Variants in MRTFB observed in about 807,000 individuals in gnomAD.
MRTFB encodes the protein myocardin-related transcription factor B.
MRTFB carries 29 observed loss-of-function variants against 104.2 expected under a neutral mutation model. The observed-to-expected ratio is 0.28, with a 90% confidence interval of 0.21 to 0.38. The LOEUF is 0.38. Ranked by LOEUF, MRTFB falls within the 10% of genes least tolerant of loss-of-function variation. The pLI, the probability that MRTFB is intolerant of heterozygous loss-of-function variation, is 1.00. For missense variants in MRTFB, 1,270 were observed against 1,341.6 expected, an observed-to-expected ratio of 0.95 and a Z score of 0.83; for synonymous variants, 535 against 519.5, an observed-to-expected ratio of 1.03 and a Z score of -0.41.
At chr16:14,156,780 T>A (rs1001183722) in intron 3 of MRTFB, among the ~76,000 whole-genome samples, 7 of 152,232 alleles carry the variant, frequency 4.6e-5, no homozygotes, top group Non-Finnish European at 8.8e-5. Context: ...TGATTCAACT[T>A]GGCAAAAGAT....
chr16:14,086,693 A>G (rs1490769096), intron 2 of MRTFB, among the ~76,000 whole-genome samples: 1 of 152,184 alleles, frequency 6.6e-6, no homozygotes, highest in Non-Finnish European at 1.5e-5. Flanking sequence ...TTTTCATTTT[A>G]CTGATGACTT....
chr16:14,222,966 A>C (rs1318020328), intron 8 of MRTFB, among the ~76,000 whole-genome samples: 1 of 151,430 alleles, frequency 6.6e-6, no homozygotes, highest in Non-Finnish European at 1.5e-5. Flanking sequence ...GGATTACTTA[A>C]ATCCAACAGT....
intron 3 of MRTFB, among the ~76,000 whole-genome samples, chr16:14,182,867 A>G (rs1023699786): frequency 2.0e-5 from 3 of 152,232 alleles, no homozygotes; most frequent in Non-Finnish European, 4.4e-5. Context: ...AAGCTATTGC[A>G]TGAAATAGGA....
At chr16:14,185,293 C>T (rs78160021) in intron 3 of MRTFB, among the ~76,000 whole-genome samples, 3,688 of 152,268 alleles carry the variant, frequency 0.024, 65 homozygotes, top group Middle Eastern at 0.085. Context: ...GTTTAGTGCA[C>T]ACCAGCCTTG....
At chr16:14,208,445 T>G (rs375415279) in intron 3 of MRTFB, among the ~76,000 whole-genome samples, 1 of 152,378 alleles carries the variant, frequency 6.6e-6, no homozygotes, top group Middle Eastern at 3.4e-3. Flanking sequence ...GTTGATATTT[T>G]CATTACTCTT....
At chr16:14,024,340 T>A in the MRTFB span, among the ~76,000 whole-genome samples, 1 of 152,230 alleles carries the variant, frequency 6.6e-6, no homozygotes, top group African/African-American at 2.4e-5. Flanking sequence ...AGGATAAAGC[T>A]AATGTCTCCT....
chr16:14,255,583 A>C (rs1206222198), intron 15 of MRTFB, among the ~76,000 whole-genome samples: 1 of 152,254 alleles, frequency 6.6e-6, no homozygotes, highest in African/African-American at 2.4e-5. Context: ...CAGATAAAGA[A>C]AAATTGAGTT....
intron 3 of MRTFB, among the ~76,000 whole-genome samples, chr16:14,208,649 C>A (rs902158200): frequency 3.9e-5 from 6 of 152,110 alleles, no homozygotes; most frequent in African/African-American, 1.2e-4. Context: ...TAAATGCAGA[C>A]AAGCATTTAC....
At chr16:14,103,385 C>T in intron 2 of MRTFB, among the ~76,000 whole-genome samples, 1 of 152,208 alleles carries the variant, frequency 6.6e-6, no homozygotes, top group Middle Eastern at 3.4e-3. Context: ...GGTATTTCTT[C>T]TTCCATATTT....
chr16:14,096,141 A>G lies in MRTFB; in HGVS notation c.-64+16787A>G, dbSNP rs569087479. On this transcript the variant is annotated intron_variant, in intron 2 of 16. Transcript: ENST00000571589. ...TTCCAGGCTGCAGTGCAGTGGCGCGATCTTGGCCCACTGCAACCTCCGCCT... is the reference window on the plus strand; with the variant it reads ...TTCCAGGCTGCAGTGCAGTGGCGCGGTCTTGGCCCACTGCAACCTCCGCCT... Among the ~76,000 whole-genome samples, 294 of 152,080 alleles carry G rather than the reference A, an allele frequency of 1.9e-3. 3 individuals are homozygous for G. Among genetic ancestry groups the G allele is most frequent in the Non-Finnish European group, 2.7e-3 (185 of 68,022 alleles).
the MRTFB span, among the ~76,000 whole-genome samples, chr16:14,037,391 T>C: frequency 9.9e-5 from 15 of 152,264 alleles, no homozygotes; most frequent in Admixed American, 9.2e-4. Flanking sequence ...ATTTTGAGCT[T>C]GACAGGTTTT....
At chr16:14,222,661 A>C (rs1178858205) in intron 8 of MRTFB, among the ~76,000 whole-genome samples, 2 of 151,468 alleles carry the variant, frequency 1.3e-5, no homozygotes, top group African/African-American at 2.4e-5. Context: ...CCAAAGTGAG[A>C]GGATCACTTG....
At chr16:14,200,474 C>A in intron 3 of MRTFB, 1 of 1,610,600 alleles carries the variant, frequency 6.2e-7, no homozygotes, top group Non-Finnish European at 8.5e-7. Context: ...ATCGTTTTTC[C>A]ACTTATTCTT....
the MRTFB span, among the ~76,000 whole-genome samples, chr16:14,000,667 A>C: frequency 1.3e-5 from 2 of 152,174 alleles, no homozygotes; most frequent in Non-Finnish European, 2.9e-5. Flanking sequence ...CTGGGTACAC[A>C]CAGCTCCTGG....
chr16:14,068,362 T>G, upstream of MRTFB, among the ~76,000 whole-genome samples: 1 of 152,196 alleles, frequency 6.6e-6, no homozygotes, highest in Non-Finnish European at 1.5e-5. Context: ...ACTGAGGCAC[T>G]GGCCACCCGG....
chr16:14,096,051 AATTTATTTATTT>A (rs3974321), intron 2 of MRTFB, among the ~76,000 whole-genome samples: 79 of 144,340 alleles, frequency 5.5e-4, no homozygotes, highest in East Asian at 2.1e-3. Context: ...GGCAAGCTGA[AATTTATTTATTT>A]ATTTATTTAT....
intron 2 of MRTFB, among the ~76,000 whole-genome samples, chr16:14,124,995 T>C (rs1001920957): frequency 1.7e-4 from 26 of 152,338 alleles, no homozygotes; most frequent in African/African-American, 5.1e-4. Context: ...TGTTCAAAAC[T>C]GAAATCTGCG....
chr16:14,240,284 C>T lies in MRTFB; in HGVS notation c.879C>T (p.Cys293=), dbSNP rs2042706819. 2 of 1,612,798 alleles carry T rather than the reference C, an allele frequency of 1.2e-6. No homozygotes were observed. Among genetic ancestry groups the T allele is most frequent in the Non-Finnish European group, 1.7e-6 (2 of 1,179,642 alleles). ...ATGACAAACACCGTAGCAAAAAGTG[C>T]AAAGATCCCAAACCACGGGTAAAGA... The part of the protein sequence containing the change: ...NPNDKHRSKK[C]KDPKPRVKKL... Residue 293 remains cysteine (C), a synonymous_variant, in exon 10 of 17, where the codon TGC becomes TGT. Transcript: ENST00000571589.
intron 4 of MRTFB, among the ~76,000 whole-genome samples, 180 bp from the exon 5 acceptor site, chr16:14,212,174 A>C (rs933800971): frequency 6.6e-6 from 1 of 152,236 alleles, no homozygotes; most frequent in Non-Finnish European, 1.5e-5. Context: ...TGTGAAATAC[A>C]TAATTTTTAT....
Sources: allele counts gnomAD v4.1 joint callset (sites outside exome capture counted in the v4.1 genomes callset), GRCh38; gene constraint gnomAD v4.1.1; transcripts MANE v1.5; gene names NCBI Gene and HGNC (gene_info 2026-07-23, HGNC 2026-07-21).